CLEC1B: variants seen among roughly 807,000 people sequenced by gnomAD.
CLEC1B encodes C-type lectin-like receptor 2.
Under a neutral mutation model 26.7 loss-of-function variants are expected in CLEC1B, and 26 were observed. The observed-to-expected ratio is 0.97, with a 90% CI of 0.71 to 1.35. The LOEUF is 1.35. Ranked by LOEUF, CLEC1B falls within the 40% of genes most tolerant of loss-of-function variation. The pLI is 0.00. For synonymous variants in CLEC1B, 112 were observed against 96.0 expected (o/e 1.17, Z -0.97); for missense variants, 293 against 282.6 (o/e 1.04, Z -0.26).
upstream of CLEC1B, among the ~76,000 whole-genome samples, chr12:10,001,614 T>C (rs1206487979): frequency 6.6e-6 from 1 of 152,232 alleles, no homozygotes; most frequent in Admixed American, 6.5e-5. Context: ...CATTGAGTTC[T>C]AATTTTGCTC....
rs776122981 is a variant in CLEC1B at position 9,997,256 on chromosome 12, G to T, written c.187C>A (p.Gln63Lys). ...CCTGTGCGATTTTCATTCTCACCTT[G>T]TAGGTAATTGCGCTGCATGACAGCT... ...IWSVMQRNYL[Q>K]GENENRTGTL... Residue 63 changes from glutamine (Q) to lysine (K), a missense_variant, in exon 3 of 6, where the codon CAA becomes AAA. Physicochemically the swap from Gln to Lys is moderately conservative, Grantham distance 53. Transcript: ENST00000298527. 2.5e-5 allele frequency: 41 copies of T among 1,612,140 alleles called. No homozygotes were observed. The highest frequency in any genetic ancestry group is 3.5e-5 in the Non-Finnish European group (41 of 1,178,498).
Position 9,997,207 on chromosome 12 carries a change from C to G in CLEC1B, c.236G>C (p.Arg79Pro). ...RTGTLQQLAK[R>P]FCQYVVKQSE... ...TTGTTTTACCACATATTGACAGAAG[C>G]GCTTTGCTAATTGTTGCAGAGTTCC... Residue 79 changes from arginine (R) to proline (P), a missense_variant, in exon 3 of 6, where the codon CGC becomes CCC. Transcript: ENST00000298527. 1.2e-6 allele frequency: 2 copies of G among 1,613,912 alleles called. No homozygotes were observed. The highest frequency in any genetic ancestry group is 1.7e-6 in the Non-Finnish European group (2 of 1,179,926).
At chr12:9,995,993 A>C (rs562348124) in intron 4 of CLEC1B, among the ~76,000 whole-genome samples, 16 of 152,184 alleles carry the variant, frequency 1.1e-4, no homozygotes, top group Non-Finnish European at 1.9e-4. Context: ...CAATCAATCT[A>C]TGGGTAACAA....
upstream of CLEC1B, chr12:9,999,311 A>C (rs748661386): frequency 1.0e-5 from 4 of 400,512 alleles, no homozygotes; most frequent in Non-Finnish European, 1.8e-5. Flanking sequence ...CTTGAACACA[A>C]AAACACAAAA....
chr12:9,995,246 C>G lies in CLEC1B; in HGVS notation c.439G>C (p.Glu147Gln), dbSNP rs887513717. ...LLKIDNRNIV[E>Q]YIKARTHLIR... ...AAATGAGTCCTGGCTTTGATGTACT[C>G]CTATTGTAAACATAAATAAACACAA... is the stretch of plus-strand genomic sequence containing the variant. Residue 147 changes from glutamate to glutamine, a missense_variant and splice_region_variant, in exon 5 of 6, where the codon GAG becomes CAG. Physicochemically the swap from Glu to Gln is conservative, Grantham distance 29. Transcript: ENST00000298527. 5.0e-6 allele frequency: 8 copies of G among 1,610,264 alleles called. No homozygotes were observed. The highest frequency in any genetic ancestry group is 5.9e-6 in the Non-Finnish European group (7 of 1,176,824).
In CLEC1B at chr12:9,996,902, G is replaced by A; in HGVS notation, c.382C>T (p.Gln128Ter). The A allele has an allele frequency of 6.2e-7, 1 of 1,613,886 alleles. No individual in the cohort carries two copies. The highest frequency in any genetic ancestry group is 8.5e-7 in the Non-Finnish European group (1 of 1,179,806). The change falls in exon 4 of 6, where the codon CAG (glutamine) becomes TAG (stop). Residue 128 changes from glutamine (Q) to a stop codon, truncating the protein, a stop_gained. Coordinates refer to ENST00000298527, the MANE Select transcript of CLEC1B (RefSeq NM_016509.4). LOFTEE classifies it high-confidence loss of function. ...RHNLTWEESK[Q>*]YCTDMNATLL... ...GTAGCATTCATGTCAGTGCAGTACT[G>A]CTTACTCTCTTCCCATGTTAAGTTG...
rs1163440510 is a variant in CLEC1B, at chr12:9,996,946, C to T, written c.338G>A (p.Cys113Tyr). The T allele has an allele frequency of 6.2e-7, 1 of 1,614,010 alleles. No homozygotes were observed. Among genetic ancestry groups the T allele is most frequent in the African/African-American group, 1.3e-5 (1 of 74,928 alleles). The stretch of plus-strand genomic sequence containing the variant: ...TAAGTTGTGCCTGAAGAACCCATAG[C>T]AGCTATCTCCATAATATCTCCAGTT... ...DTNWRYYGDS[C>Y]YGFFRHNLTW... The change falls in exon 4 of 6, where the codon TGC (cysteine) becomes TAC (tyrosine). Residue 113 changes from cysteine to tyrosine, a missense_variant. Physicochemically the swap from Cys to Tyr is radical, Grantham distance 194 (BLOSUM62 -2). Coordinates refer to ENST00000298527, the MANE Select transcript of CLEC1B (RefSeq NM_016509.4).
intron 2 of CLEC1B, 56 bp downstream of exon 2, chr12:9,998,226 A>G: frequency 1.5e-6 from 2 of 1,327,668 alleles, no homozygotes; most frequent in Non-Finnish European, 1.1e-6. Context: ...GGGATATGCC[A>G]TGACCCTTCA....
upstream of CLEC1B, among the ~76,000 whole-genome samples, chr12:10,001,638 T>C (rs1037423779): frequency 2.6e-5 from 4 of 152,214 alleles, no homozygotes; most frequent in African/African-American, 9.6e-5. Flanking sequence ...CCCCACATTC[T>C]ATAAATGTAA....
chr12:10,001,839 T>C (rs972127255), upstream of CLEC1B, among the ~76,000 whole-genome samples: 1 of 151,850 alleles, frequency 6.6e-6, no homozygotes, highest in Non-Finnish European at 1.5e-5. Context: ...TATTCTCTTC[T>C]CCTTTTCTTC....
intron 5 of CLEC1B, among the ~76,000 whole-genome samples, chr12:9,993,536 T>C (rs540942935): frequency 5.8e-4 from 89 of 152,174 alleles, no homozygotes; most frequent in African/African-American, 2.0e-3. Flanking sequence ...GTAGGTACAA[T>C]AGGAGCCCTG....
chr12:9,995,324 GA>G, intron 4 of CLEC1B, 78 bp from the exon 5 acceptor site: 1 of 1,207,920 alleles, frequency 8.3e-7, no homozygotes, highest in East Asian at 2.4e-5. Flanking sequence ...TTCATGATAA[GA>G]CGTTGGACAA....
chr12:9,999,081 T>C lies in CLEC1B; in HGVS notation c.20A>G (p.Tyr7Cys). The change falls in exon 1 of 6, where the codon TAC becomes TGC. Residue 7 changes from tyrosine to cysteine, a missense_variant. Transcript: ENST00000298527. ...CCGAGTTTTAATATTTAAGGTGATG[T>C]ATCCATCTTCATCCTGCATGGCTTC... MQDEDG[Y>C]ITLNIKTRKP... 9.3e-6 allele frequency: 15 copies of C among 1,610,814 alleles called. No individual in the cohort carries two copies. The highest frequency in any genetic ancestry group is 1.3e-5 in the Non-Finnish European group (15 of 1,177,568).
chr12:9,996,682 T>C (rs1865055970), intron 4 of CLEC1B, 164 bp downstream of exon 4: 3 of 750,750 alleles, frequency 4.0e-6, no homozygotes, highest in Non-Finnish European at 7.0e-6. Context: ...TATGAGTGGA[T>C]TGAATATCTG....
chr12:10,000,562 C>T (rs549896117), upstream of CLEC1B, among the ~76,000 whole-genome samples: 26 of 152,188 alleles, frequency 1.7e-4, no homozygotes, highest in Admixed American at 3.9e-4. Flanking sequence ...TTTTAAAAAA[C>T]ATTAAATCCC....
In CLEC1B at chr12:9,997,103, A is replaced by G; in HGVS notation, c.283+57T>C. On this transcript the variant is annotated intron_variant, in intron 3 of 5. Transcript: ENST00000298527. ...AGATCTCAAACTCCCTTCAGTTGCC[A>G]TCAGAGAAATGCTCCAGGGGTTGGA... 4 of 1,610,120 alleles carry G rather than the reference A, an allele frequency of 2.5e-6. No homozygotes were observed. In the South Asian group the frequency reaches 3.3e-5, roughly 13 times the overall value.
intron 4 of CLEC1B, among the ~76,000 whole-genome samples, chr12:9,996,555 A>G (rs1865052583): frequency 6.6e-6 from 1 of 152,066 alleles, no homozygotes; most frequent in Non-Finnish European, 1.5e-5. Context: ...AACAGAGGAC[A>G]CAAATAAATA....
intron 2 of CLEC1B, among the ~76,000 whole-genome samples, chr12:9,998,026 A>G (rs896420959): frequency 6.6e-6 from 1 of 152,164 alleles, no homozygotes; most frequent in African/African-American, 2.4e-5. Flanking sequence ...TTGGATCCAC[A>G]CTGAGGAGGG....
intron 4 of CLEC1B, 74 bp from the exon 5 acceptor site, chr12:9,995,320 A>C: frequency 7.7e-7 from 1 of 1,293,520 alleles, no homozygotes; most frequent in East Asian, 2.3e-5. Context: ...AAGCTTCATG[A>C]TAAGACGTTG....
Sources: gnomAD v4.1 joint callset for allele counts (sites outside exome capture counted in the v4.1 genomes callset) on GRCh38, gnomAD v4.1.1 for gene constraint, MANE v1.5 for transcripts, NCBI Gene and HGNC (gene_info 2026-07-23, HGNC 2026-07-21) for gene names.